The following NOL4 variants were observed in gnomAD, a reference collection of about 807,000 sequenced individuals.
NOL4 encodes the protein nucleolar protein 4.
A neutral mutation model predicts 75.9 loss-of-function variants in NOL4; 17 were observed. That is an observed-to-expected ratio of 0.22 (90% CI 0.15 to 0.34). The LOEUF is 0.34. Among genes scored for constraint, NOL4 ranks in the 10% least tolerant of loss-of-function variants. The probability of loss-of-function intolerance (pLI) is 1.00; values close to 1 mark genes in which losing one functional copy is unlikely to be tolerated. For missense variants in NOL4, 614 were observed against 793.5 expected, an observed-to-expected ratio of 0.77 and a Z score of 2.72; for synonymous variants, 292 against 289.9, an observed-to-expected ratio of 1.01 and a Z score of -0.07.
chr18:34,028,014 C>A (rs543488051), intron 5 of NOL4, among the ~76,000 whole-genome samples: 12 of 152,296 alleles, frequency 7.9e-5, no homozygotes, highest in Non-Finnish European at 1.6e-4. Flanking sequence ...ATTTAAAAAT[C>A]TGTCTTGGAT....
intron 8 of NOL4, among the ~76,000 whole-genome samples, chr18:33,944,210 T>C (rs2068687192): frequency 6.6e-6 from 1 of 151,902 alleles, no homozygotes; most frequent in African/African-American, 2.4e-5. Context: ...TGAATGCTAT[T>C]TATTAGAAGC....
rs1568419017 is a variant in NOL4 at position 34,173,123 on chromosome 18, ACG to A, written c.265-43105_265-43104del. ...AACATGGATGAGCCTAGAGGACATT[ACG>A]CTAAACAAAACAAGCCAGATGCAGA... On this transcript the variant is annotated intron_variant, in intron 1 of 10. Transcript: ENST00000261592. Among the ~76,000 whole-genome samples the A allele has an allele frequency of 2.6e-5, 4 of 152,098 alleles. No individual in the cohort carries two copies. The East Asian group carries it at 7.7e-4, about 29-fold the overall frequency.
chr18:34,197,335 C>T (rs2035404447), intron 1 of NOL4, among the ~76,000 whole-genome samples: 1 of 151,888 alleles, frequency 6.6e-6, no homozygotes. Flanking sequence ...AATCCAATTT[C>T]TTAATTTTAT....
At chr18:33,892,737 A>G (rs911814137) in intron 9 of NOL4, among the ~76,000 whole-genome samples, 1 of 151,848 alleles carries the variant, frequency 6.6e-6, no homozygotes, top group Non-Finnish European at 1.5e-5. Context: ...AGCTCTCTGC[A>G]GTCTCAAACT....
chr18:34,156,487 T>G (rs545403972), intron 1 of NOL4, among the ~76,000 whole-genome samples: 30 of 152,236 alleles, frequency 2.0e-4, no homozygotes, highest in Non-Finnish European at 3.7e-4. Flanking sequence ...ATCATTCAGT[T>G]AAGGTTCTAA....
In NOL4 at chr18:34,223,289, G is replaced by A. The variant is rs1046217310; in HGVS notation, c.-36C>T. On this transcript the variant is annotated 5_prime_UTR_variant, in exon 1 of 11. Coordinates refer to ENST00000261592, the MANE Select transcript of NOL4 (RefSeq NM_003787.5). ...CTCGGCCGCTGGCCGGATGCTCCCA[G>A]CGCACTTCGCACCTGTTCACCCTAG... The A allele has an allele frequency of 6.2e-7, 1 of 1,605,742 alleles. No homozygotes were observed. The highest frequency in any genetic ancestry group is 1.7e-5 in the Admixed American group (1 of 59,818).
At chr18:34,055,991 A>C (rs1315550078) in intron 5 of NOL4, among the ~76,000 whole-genome samples, 1 of 151,838 alleles carries the variant, frequency 6.6e-6, no homozygotes, top group Non-Finnish European at 1.5e-5. Flanking sequence ...CTACCTTTTC[A>C]CTGATACTCT....
chr18:34,154,147 G>GTGTCT (rs1424275198), intron 1 of NOL4, among the ~76,000 whole-genome samples: 5 of 152,038 alleles, frequency 3.3e-5, no homozygotes, highest in African/African-American at 9.7e-5. Context: ...ATGCAAAGAT[G>GTGTCT]TAAGAGGAAA....
At position 34,222,279 on chromosome 18, in the gene NOL4, C is replaced by A. The variant is rs1400505882; in HGVS notation, c.264+711G>T. On this transcript the variant is annotated intron_variant, in intron 1 of 10. Transcript: ENST00000261592. ...ACCATTCGATAGCGCCTAAACCCAT[C>A]TTTCTTTGTTGTTCATCTTCTAGCT... is the stretch of plus-strand genomic sequence containing the variant. 3.0e-6 allele frequency: 4 copies of A among 1,328,456 alleles called. No individual in the cohort carries two copies. The African/African-American group carries it at 6.1e-5, about 20-fold the overall frequency. 82.3% of individuals were successfully genotyped at this position (1,328,456 alleles called of 1,614,324 possible).
At chr18:34,128,939 AAC>A in intron 2 of NOL4, 1 of 751,966 alleles carries the variant, frequency 1.3e-6, no homozygotes, top group Non-Finnish European at 1.6e-6. Flanking sequence ...TATAGCTGAA[AAC>A]AGTTAATATA....
chr18:33,980,573 A>C (rs952482732), intron 6 of NOL4, among the ~76,000 whole-genome samples: 2 of 151,976 alleles, frequency 1.3e-5, no homozygotes, highest in African/African-American at 2.4e-5. Flanking sequence ...AGCCTGCTCT[A>C]GGCATCCTGT....
At chr18:34,061,254 G>A (rs2077052450) in intron 5 of NOL4, among the ~76,000 whole-genome samples, 1 of 152,084 alleles carries the variant, frequency 6.6e-6, no homozygotes, top group Non-Finnish European at 1.5e-5. Flanking sequence ...AAAGATATTT[G>A]CTGAATTAGT....
intron 6 of NOL4, among the ~76,000 whole-genome samples, chr18:33,973,191 G>A (rs1193444643): frequency 6.6e-6 from 1 of 152,110 alleles, no homozygotes; most frequent in Admixed American, 6.5e-5. Flanking sequence ...ATGCTCACAG[G>A]ATCTTTACCA....
In NOL4 at chr18:33,959,603, C is replaced by T. The variant is rs185352124; in HGVS notation, c.1057-1185G>A. Among the ~76,000 whole-genome samples the T allele has an allele frequency of 6.6e-5, 10 of 152,080 alleles. No homozygotes were observed. In the East Asian group the frequency reaches 1.7e-3, roughly 26 times the overall value. On this transcript the variant is annotated intron_variant, in intron 6 of 10. Coordinates refer to ENST00000261592, the MANE Select transcript of NOL4 (RefSeq NM_003787.5). ...GTAATCAAATTTAAAAATGAGTATT[C>T]TCTATTTATTTCTGTTTCATGATAT...
At chr18:34,206,704 T>C (rs2036144336) in intron 1 of NOL4, among the ~76,000 whole-genome samples, 1 of 152,074 alleles carries the variant, frequency 6.6e-6, no homozygotes, top group Non-Finnish European at 1.5e-5. Context: ...TGGGAATCAT[T>C]TTTCTTTGAG....
At chr18:33,931,849 T>C (rs1020601752) in intron 9 of NOL4, among the ~76,000 whole-genome samples, 1 of 152,044 alleles carries the variant, frequency 6.6e-6, no homozygotes, top group African/African-American at 2.4e-5. Context: ...AAATGCAAAG[T>C]TTTTATGTTT....
chr18:34,212,090 T>C (rs2036553477), intron 1 of NOL4, among the ~76,000 whole-genome samples: 2 of 152,204 alleles, frequency 1.3e-5, no homozygotes, highest in African/African-American at 4.8e-5. Context: ...ATATGTGTAC[T>C]TGTCTTTCTC....
chr18:34,178,776 A>G (rs2033777967), intron 1 of NOL4, among the ~76,000 whole-genome samples: 1 of 151,664 alleles, frequency 6.6e-6, no homozygotes, highest in Non-Finnish European at 1.5e-5. Flanking sequence ...AATTTCAAAA[A>G]TGGATAGAAT....
chr18:34,179,021 G>C lies in NOL4; in HGVS notation c.264+43969C>G, dbSNP rs1009137939. 7.1e-4 allele frequency among the ~76,000 whole-genome samples: 107 copies of C among 151,464 alleles called. 1 individual carries two copies. The highest frequency in any genetic ancestry group is 3.4e-4 in the Non-Finnish European group (23 of 67,626). ...TTATGACCACAATATAATGAAATTA[G>C]ACATCAACAACATAAATCAATTTGG... On this transcript the variant is annotated intron_variant, in intron 1 of 10. Transcript: ENST00000261592.
Sources: allele counts gnomAD v4.1 joint callset (sites outside exome capture counted in the v4.1 genomes callset), GRCh38; gene constraint gnomAD v4.1.1; transcripts MANE v1.5; gene names NCBI Gene and HGNC (gene_info 2026-07-23, HGNC 2026-07-21).